The following EVPL variants were observed in gnomAD, a reference collection of about 807,000 sequenced individuals.
EVPL encodes the protein 210 kDa cornified envelope precursor protein.
EVPL carries 94 observed loss-of-function variants against 129.7 expected under a neutral mutation model. That is an observed-to-expected ratio of 0.72 (90% CI 0.61 to 0.86). The LOEUF is 0.86. Ranked by LOEUF, EVPL falls within the 40% of genes least tolerant of loss-of-function variation. The probability of loss-of-function intolerance (pLI) is 0.00; values close to 1 mark genes in which losing one functional copy is unlikely to be tolerated. For synonymous variants in EVPL, 1,172 were observed against 1,191.1 expected (o/e 0.98, Z 0.33); for missense variants, 2,625 against 2,721.1 (o/e 0.96, Z 0.79).
At chr17:76,014,112 G>T (rs1021808353) in intron 18 of EVPL, among the ~76,000 whole-genome samples, 4 of 152,206 alleles carry the variant, frequency 2.6e-5, no homozygotes, top group Non-Finnish European at 5.9e-5. Flanking sequence ...CCACCAGGCT[G>T]GGAGCTGCCA....
In EVPL at chr17:76,027,199, G is replaced by C. The variant is rs749639082; in HGVS notation, c.-1C>G. On this transcript the variant is annotated 5_prime_UTR_variant, in exon 1 of 22. Coordinates refer to ENST00000301607, the MANE Select transcript of EVPL (RefSeq NM_001988.4). ...AGCCTTTGCTCAGCCCCTTGAACATGGTCGTAAAGGCAAGTGCTGGCTCAG... is the reference window on the plus strand; with the variant it reads ...AGCCTTTGCTCAGCCCCTTGAACATCGTCGTAAAGGCAAGTGCTGGCTCAG... 1.4e-4 allele frequency: 230 copies of C among 1,602,766 alleles called. 6 individuals are homozygous for C. In the South Asian group the frequency reaches 2.5e-3, roughly 18 times the overall value.
chr17:76,023,315 C>A lies in EVPL; in HGVS notation c.457G>T (p.Ala153Ser). The change falls in exon 4 of 22, where the codon GCA (alanine) becomes TCA (serine). Residue 153 changes from alanine (A) to serine (S), a missense_variant. Ala to Ser is a moderately conservative substitution (Grantham distance 99). Coordinates refer to ENST00000301607, the MANE Select transcript of EVPL (RefSeq NM_001988.4). ...PPDVGPRVDWARVLEQKQKQV... is the reference protein window; with the variant it reads ...PPDVGPRVDWSRVLEQKQKQV... ...ACCTGTTTCTGCTCCAGCACGCGTG[C>A]CCAGTCGACCCTGGGTCCCACGTCG... 6.2e-7 allele frequency: 1 copy of A among 1,613,942 alleles called. No individual in the cohort carries two copies. The highest frequency in any genetic ancestry group is 1.3e-5 in the African/African-American group (1 of 75,016).
At position 76,027,122 on chromosome 17, in the gene EVPL, C is replaced by A. The variant is rs1187790152; in HGVS notation, c.77G>T (p.Gly26Val). The A allele has an allele frequency of 3.9e-6, 6 of 1,521,128 alleles. No homozygotes were observed. The highest frequency in any genetic ancestry group is 1.4e-5 in the African/African-American group (1 of 70,648). The allele number at this position is 1,521,128 out of a possible 1,614,324, so 94.2% of individuals were successfully genotyped here. ...TTACCGGCTGTGCCTGCTGGGGGAG[C>A]CTTTGGGGGACCCCTTGGCGGGGGA... ...KGSPAKGSPK[G>V]SPSRHSRAAT... Residue 26 changes from glycine to valine, a missense_variant, in exon 1 of 22, where the codon GGC (glycine) becomes GTC (valine). Transcript: ENST00000301607.
rs148533039 is a variant in EVPL, at chr17:76,010,322, C to T, written c.2883G>A (p.Glu961=). ...CCTCCAGCTGGGGGTCCCGGTAGAACTCTACCACTTCCTTCTCCTCCAGCC... is the reference window on the plus strand; with the variant it reads ...CCTCCAGCTGGGGGTCCCGGTAGAATTCTACCACTTCCTTCTCCTCCAGCC... ...LERLEEKEVV[E]FYRDPQLEGS... is the part of the protein sequence containing the mutation. Residue 961 remains glutamate (E), a synonymous_variant, in exon 22 of 22, where the codon GAG becomes GAA. Coordinates refer to ENST00000301607, the MANE Select transcript of EVPL (RefSeq NM_001988.4). 5.0e-6 allele frequency: 8 copies of T among 1,613,824 alleles called. No individual in the cohort carries two copies. The South Asian group carries it at 8.8e-5, about 18-fold the overall frequency.
intron 8 of EVPL, 52 bp from the exon 9 acceptor site, chr17:76,021,615 C>T: frequency 7.2e-7 from 1 of 1,396,872 alleles, no homozygotes; most frequent in Non-Finnish European, 9.5e-7. Context: ...ACGTCCGCCC[C>T]ACCTCCCCCC....
In EVPL at chr17:76,007,243, TG is replaced by T; in HGVS notation, c.5961del (p.Lys1988ArgfsTer4). The T allele has an allele frequency of 6.4e-7, 1 of 1,571,106 alleles. No homozygotes were observed. Among genetic ancestry groups the T allele is most frequent in the Non-Finnish European group, 8.6e-7 (1 of 1,157,038 alleles). On this transcript the variant is annotated frameshift_variant, in exon 22 of 22. Transcript: ENST00000301607. LOFTEE classifies it low-confidence loss of function (END_TRUNC). The surrounding 1 kb of genome is among the most constrained non-coding windows in gnomAD (Gnocchi z 8.8). ...GCCTCCTTGTAGCTCAGCCGTTCCT[TG>T]GAGATGGGGTCTGTCAAATCCTTCT... ...SYEKDLTDPI[S>X]KERLSYKEAM... is the part of the protein sequence containing the mutation.
intron 2 of EVPL, among the ~76,000 whole-genome samples, 160 bp from the exon 3 acceptor site, chr17:76,023,814 A>G (rs2066480565): frequency 6.6e-6 from 1 of 152,238 alleles, no homozygotes; most frequent in South Asian, 2.1e-4. Context: ...TCCGTGGGGC[A>G]GGTGACAAGG....
In EVPL at chr17:76,013,276, A is replaced by C. The variant is rs1380878497; in HGVS notation, c.2373+1150T>G. On this transcript the variant is annotated intron_variant, in intron 18 of 21. Coordinates refer to ENST00000301607, the MANE Select transcript of EVPL (RefSeq NM_001988.4). The surrounding 1 kb of genome is among the most constrained non-coding windows in gnomAD (Gnocchi z 4.3). ...TTCTAGTTTGCAGCCAGGGCTGAGA[A>C]TCTCTGTCCCAGGCCCCCTTCCCAA... Among the ~76,000 whole-genome samples, 1 of 152,062 alleles carries C rather than the reference A, an allele frequency of 6.6e-6. No individual in the cohort carries two copies. Among genetic ancestry groups the C allele is most frequent in the Non-Finnish European group, 1.5e-5 (1 of 68,006 alleles).
At chr17:76,012,470 T>G (rs1247272512) in intron 18 of EVPL, among the ~76,000 whole-genome samples, 2 of 152,146 alleles carry the variant, frequency 1.3e-5, no homozygotes, top group Non-Finnish European at 2.9e-5. Context: ...AATTTTTATA[T>G]TTTTAGTAGA....
intron 21 of EVPL, among the ~76,000 whole-genome samples, chr17:76,010,997 G>C (rs1441806480): frequency 6.6e-6 from 1 of 152,198 alleles, no homozygotes; most frequent in Non-Finnish European, 1.5e-5. Context: ...GGGAGGCGGA[G>C]GTTGCAGTGA....
chr17:76,012,165 G>C (rs965140245), intron 18 of EVPL, 76 bp from the exon 19 acceptor site: 1 of 1,152,286 alleles, frequency 8.7e-7, no homozygotes, highest in Non-Finnish European at 1.2e-6. Flanking sequence ...AGTGCCTCCA[G>C]GGCCACAGTC....
rs186147715 is a variant in EVPL, at chr17:76,012,798, G to A, written c.2374-709C>T. Among the ~76,000 whole-genome samples, 580 of 148,104 alleles carry A rather than the reference G, an allele frequency of 3.9e-3. 5 individuals are homozygous for A. Among genetic ancestry groups the A allele is most frequent in the African/African-American group, 0.014 (555 of 40,042 alleles). ...CTTGCTCTGTCGCCCAGGCTGGAGT[G>A]CAGTGGCGCTATCCGGACTCACTGC... On this transcript the variant is annotated intron_variant, in intron 18 of 21. Transcript: ENST00000301607.
chr17:76,022,157 A>T lies in EVPL; in HGVS notation c.645+32T>A, dbSNP rs773573598. ...CGGGCGGCCACCCAGGCCCACCCGC[A>T]GCCTCCCTGCCCGACCCTCCCTCCT... On this transcript the variant is annotated intron_variant, in intron 6 of 21. Coordinates refer to ENST00000301607, the MANE Select transcript of EVPL (RefSeq NM_001988.4). The surrounding 1 kb of genome is among the most constrained non-coding windows in gnomAD (Gnocchi z 5.6). 1.2e-6 allele frequency: 2 copies of T among 1,610,224 alleles called. No homozygotes were observed. The highest frequency in any genetic ancestry group is 1.7e-6 in the Non-Finnish European group (2 of 1,179,018).
Position 76,011,754 on chromosome 17 carries a change from C to T in EVPL, c.2568+18G>A, listed in dbSNP as rs769417456. 3.3e-5 allele frequency: 53 copies of T among 1,610,894 alleles called. No homozygotes were observed. Among genetic ancestry groups the T allele is most frequent in the East Asian group, 1.6e-4 (7 of 44,792 alleles). On this transcript the variant is annotated intron_variant, in intron 20 of 21. Transcript: ENST00000301607. ...GCTGGTGTCAAGGTCCACTGAGCCC[C>T]GCAAGGTCCCATCTCACCTGGGCTT...
chr17:76,014,798 G>T, intron 17 of EVPL, 118 bp downstream of exon 17: 1 of 1,194,882 alleles, frequency 8.4e-7, no homozygotes, highest in Non-Finnish European at 1.1e-6. Flanking sequence ...CCATTTTAGA[G>T]ATGAGGAAAC....
Position 76,024,011 on chromosome 17 carries a change from G to A in EVPL, c.198+10C>T, listed in dbSNP as rs757964697. 12 of 1,610,224 alleles carry A rather than the reference G, an allele frequency of 7.5e-6. No homozygotes were observed. Among genetic ancestry groups the A allele is most frequent in the South Asian group, 1.1e-5 (1 of 90,264 alleles). ...TGTCCACGCCCTGCCAACTGCTGCC[G>A]GGGCCTCACCTGCTGCAGCCTCTTC... On this transcript the variant is annotated intron_variant, in intron 2 of 21. Transcript: ENST00000301607. This position sits in a 1 kb window ranked among gnomAD's most constrained non-coding sequence, Gnocchi z 4.5.
chr17:76,025,756 T>C (rs1449037643), intron 1 of EVPL, among the ~76,000 whole-genome samples: 7 of 152,236 alleles, frequency 4.6e-5, no homozygotes, highest in African/African-American at 1.7e-4. Flanking sequence ...CTTTCATCCC[T>C]GAGGTCATCT....
chr17:76,023,983 G>T, intron 2 of EVPL, 38 bp downstream of exon 2: 6 of 1,588,292 alleles, frequency 3.8e-6, no homozygotes, highest in Non-Finnish European at 5.1e-6. Context: ...ATGCCACCCA[G>T]CCTGTCCACG....
At chr17:76,023,073 C>T (rs1470508555) in intron 4 of EVPL, among the ~76,000 whole-genome samples, 5 of 152,092 alleles carry the variant, frequency 3.3e-5, no homozygotes, top group Non-Finnish European at 5.9e-5. Context: ...ACTACTTCAC[C>T]CTGGCCCAAC....
Sources: allele counts gnomAD v4.1 joint callset (sites outside exome capture counted in the v4.1 genomes callset), GRCh38; gene constraint gnomAD v4.1.1; non-coding constraint Gnocchi (gnomAD v3.1); transcripts MANE v1.5; gene names NCBI Gene and HGNC (gene_info 2026-07-23, HGNC 2026-07-21).